ADAMTS18: variants seen among roughly 807,000 people sequenced by gnomAD.
ADAMTS18 encodes the protein A disintegrin and metalloproteinase with thrombospondin motifs 18.
A neutral mutation model predicts 165.9 loss-of-function variants in ADAMTS18; 157 were observed. That is an observed-to-expected ratio of 0.95 (90% CI 0.83 to 1.08). ADAMTS18 has a LOEUF of 1.08. Among genes scored for constraint, ADAMTS18 ranks in the 50% least tolerant of loss-of-function variants. The pLI, the probability that ADAMTS18 is intolerant of heterozygous loss-of-function variation, is 0.00. For missense variants in ADAMTS18, 2,040 were observed against 1,534.0 expected, an observed-to-expected ratio of 1.33 and a Z score of -5.51; for synonymous variants, 782 against 578.2, an observed-to-expected ratio of 1.35 and a Z score of -5.06.
chr16:77,425,678 C>T (rs1414742745), intron 3 of ADAMTS18, among the ~76,000 whole-genome samples: 1 of 152,146 alleles, frequency 6.6e-6, no homozygotes, highest in Non-Finnish European at 1.5e-5. Context: ...TAATCTCAGA[C>T]TTAGGAATTG....
chr16:77,396,041 G>C (rs112297187), intron 3 of ADAMTS18, among the ~76,000 whole-genome samples: 3 of 152,274 alleles, frequency 2.0e-5, no homozygotes, highest in Non-Finnish European at 2.9e-5. Context: ...ATATTTTGTA[G>C]ATGACAAAAT....
At chr16:77,303,924 G>A (rs1457230249) in intron 16 of ADAMTS18, among the ~76,000 whole-genome samples, 1 of 152,130 alleles carries the variant, frequency 6.6e-6, no homozygotes, top group East Asian at 1.9e-4. Context: ...CACCTACTCG[G>A]GAGGCTGAGG....
At chr16:77,294,113 G>T (rs537996757) in intron 19 of ADAMTS18, among the ~76,000 whole-genome samples, 4 of 152,230 alleles carry the variant, frequency 2.6e-5, no homozygotes, top group African/African-American at 9.6e-5. Context: ...CTGGCCCCAT[G>T]GTTCAGGTGG....
chr16:77,297,454 AT>A, intron 17 of ADAMTS18, 39 bp from the exon 18 acceptor site: 1 of 1,584,570 alleles, frequency 6.3e-7, no homozygotes, highest in Non-Finnish European at 8.7e-7. Context: ...AAAATTACAG[AT>A]TATTATTTCA....
In ADAMTS18 at chr16:77,335,796, C is replaced by A. The variant is rs776696821; in HGVS notation, c.1819G>T (p.Gly607Ter). 1.2e-6 allele frequency: 2 copies of A among 1,614,212 alleles called. No individual in the cohort carries two copies. The highest frequency in any genetic ancestry group is 3.3e-5 in the Admixed American group (2 of 60,022). The part of the protein sequence containing the change: ...KWSECSRTCG[G>*]GVKFQERHCN... Reference sequence around the variant, plus strand: ...TGTCTCTCCTGGAACTTGACTCCTCCACCACATGTCCGGGAACATTCTGAC... The same window carrying A: ...TGTCTCTCCTGGAACTTGACTCCTCAACCACATGTCCGGGAACATTCTGAC... Residue 607 changes from glycine to a stop codon, truncating the protein, a stop_gained, in exon 12 of 23, where the codon GGA becomes TGA. Transcript: ENST00000282849. LOFTEE classifies it high-confidence loss of function.
chr16:77,341,840 A>G, intron 10 of ADAMTS18, 41 bp from the exon 11 acceptor site: 2 of 1,360,084 alleles, frequency 1.5e-6, no homozygotes, highest in African/African-American at 1.4e-5. Context: ...ATGGTGATAT[A>G]CAATAAAAAC....
chr16:77,284,267 A>AG (rs1480601892), intron 22 of ADAMTS18, among the ~76,000 whole-genome samples, 196 bp from the exon 23 acceptor site: 1 of 151,870 alleles, frequency 6.6e-6, no homozygotes, highest in Admixed American at 6.6e-5. Flanking sequence ...CAGGGACTAT[A>AG]GGCAAGTGCC....
At chr16:77,353,628 A>G in intron 10 of ADAMTS18, 105 bp downstream of exon 10, 1 of 1,505,592 alleles carries the variant, frequency 6.6e-7, no homozygotes. Flanking sequence ...GAGATAACCC[A>G]GAACCTAACC....
chr16:77,401,851 C>T (rs2057335968), intron 3 of ADAMTS18, among the ~76,000 whole-genome samples: 1 of 152,146 alleles, frequency 6.6e-6, no homozygotes, highest in East Asian at 1.9e-4. Context: ...TCTTCTTCTG[C>T]CCTAGGACAT....
At chr16:77,285,666 GCTT>G (rs2055236022) in intron 22 of ADAMTS18, among the ~76,000 whole-genome samples, 1 of 152,106 alleles carries the variant, frequency 6.6e-6, no homozygotes, top group Admixed American at 6.5e-5. Flanking sequence ...CAGTATAAGT[GCTT>G]TTTTTGATTA....
chr16:77,430,331 A>G (rs1597266526), intron 3 of ADAMTS18, among the ~76,000 whole-genome samples: 1 of 152,222 alleles, frequency 6.6e-6, no homozygotes, highest in East Asian at 1.9e-4. Flanking sequence ...ATTTCAGGCC[A>G]TAATAGGGGG....
intron 11 of ADAMTS18, among the ~76,000 whole-genome samples, chr16:77,337,762 G>C (rs2056332249): frequency 6.6e-6 from 1 of 151,998 alleles, no homozygotes; most frequent in South Asian, 2.1e-4. Flanking sequence ...TCTCCATTTG[G>C]CCTTTTAATC....
chr16:77,393,653 G>C (rs1366053380), intron 3 of ADAMTS18, among the ~76,000 whole-genome samples: 1 of 152,160 alleles, frequency 6.6e-6, no homozygotes, highest in Admixed American at 6.5e-5. Context: ...ACCCAGAAGA[G>C]GGCCCTCTCC....
Position 77,433,322 on chromosome 16 carries a change from A to G in ADAMTS18, c.178+1096T>C, listed in dbSNP as rs2057761051. On this transcript the variant is annotated intron_variant, in intron 2 of 22. Transcript: ENST00000282849. ...ACGTTATCCAGCCAGCCTTCTATGG[A>G]ACCAGCCATCAAACGGCCCCAGACA... is the stretch of plus-strand genomic sequence containing the variant. 2.0e-5 allele frequency: 3 copies of G among 152,240 alleles called. No individual in the cohort carries two copies. The South Asian group carries it at 6.2e-4, about 32-fold the overall frequency. The allele number at this position is 152,240 out of a possible 1,614,324, so 9.4% of individuals were successfully genotyped here. A position where few individuals can be genotyped will look rare whatever the true frequency, so the allele number is the denominator to read the frequency against.
intron 12 of ADAMTS18, among the ~76,000 whole-genome samples, chr16:77,333,303 C>A (rs906847441): frequency 1.3e-5 from 2 of 151,932 alleles, no homozygotes; most frequent in African/African-American, 4.8e-5. Context: ...TAGGGCCTGT[C>A]GCATGGTGGG....
At chr16:77,371,650 G>C (rs141675315) in intron 3 of ADAMTS18, among the ~76,000 whole-genome samples, 237 of 152,238 alleles carry the variant, frequency 1.6e-3, no homozygotes, top group African/African-American at 5.4e-3. Flanking sequence ...AAAGACTTAA[G>C]TAAGAGATAT....
At chr16:77,408,403 A>G (rs540447798) in intron 3 of ADAMTS18, among the ~76,000 whole-genome samples, 61 of 152,308 alleles carry the variant, frequency 4.0e-4, no homozygotes, top group African/African-American at 1.5e-3. Flanking sequence ...TGCAAAAAGA[A>G]TAGTCACAAC....
At chr16:77,391,832 C>A (rs2057191756) in intron 3 of ADAMTS18, among the ~76,000 whole-genome samples, 1 of 152,122 alleles carries the variant, frequency 6.6e-6, no homozygotes, top group African/African-American at 2.4e-5. Context: ...TCAAGTGATA[C>A]AGATATTTCA....
At chr16:77,355,123 T>C (rs1357658489) in intron 9 of ADAMTS18, among the ~76,000 whole-genome samples, 1 of 152,016 alleles carries the variant, frequency 6.6e-6, no homozygotes, top group African/African-American at 2.4e-5. Context: ...CCAAAGAAAT[T>C]TCACTAACAT....
Sources: allele counts gnomAD v4.1 joint callset (sites outside exome capture counted in the v4.1 genomes callset), GRCh38; gene constraint gnomAD v4.1.1; transcripts MANE v1.5; gene names NCBI Gene and HGNC (gene_info 2026-07-23, HGNC 2026-07-21).